FYN: variants seen among roughly 807,000 people sequenced by gnomAD.
FYN encodes FYN proto-oncogene, Src family tyrosine kinase.
Under a neutral mutation model 70.2 loss-of-function variants are expected in FYN, and 10 were observed. The observed-to-expected ratio is 0.14, with a 90% CI of 0.09 to 0.24. The LOEUF (loss-of-function observed/expected upper bound fraction) is 0.24, where lower values mean the gene tolerates loss of function less well. Ranked by LOEUF, FYN falls within the 10% of genes least tolerant of loss-of-function variation. The pLI is 1.00. For synonymous variants in FYN, 236 were observed against 248.6 expected, an observed-to-expected ratio of 0.95 and a Z score of 0.48; for missense variants, 319 against 673.1, an observed-to-expected ratio of 0.47 and a Z score of 5.82.
chr6:111,828,135 T>A (rs2114398006), intron 2 of FYN, among the ~76,000 whole-genome samples: 1 of 152,298 alleles, frequency 6.6e-6, no homozygotes, highest in East Asian at 1.9e-4. Flanking sequence ...GACCTTGTCC[T>A]TGGGCTGGAA....
intron 2 of FYN, among the ~76,000 whole-genome samples, chr6:111,832,488 G>C (rs1269714266): frequency 6.6e-6 from 1 of 152,112 alleles, no homozygotes; most frequent in Non-Finnish European, 1.5e-5. Context: ...CCTGTGAATA[G>C]AGACAGCTTT....
chr6:111,690,283 G>C (rs1799259159), intron 12 of FYN, among the ~76,000 whole-genome samples: 1 of 152,062 alleles, frequency 6.6e-6, no homozygotes, highest in Non-Finnish European at 1.5e-5. Context: ...TAGGGAGGTG[G>C]CTGTGACCAG....
At chr6:111,865,313 C>T (rs1345879728) in intron 1 of FYN, among the ~76,000 whole-genome samples, 2 of 152,140 alleles carry the variant, frequency 1.3e-5, no homozygotes, top group East Asian at 1.9e-4. Context: ...CACTTCCAGA[C>T]GGAGGTGCAC....
chr6:111,689,821 A>G lies in FYN; in HGVS notation c.1273+4554T>C, dbSNP rs145664553. On this transcript the variant is annotated intron_variant, in intron 12 of 13. Transcript: ENST00000354650. ...AGGGGTCTTCTGGAGTGCTGGAGGT[A>G]TTCTGTATCTTTATCTTCGGGGTGG... Among the ~76,000 whole-genome samples, 32 of 152,248 alleles carry G rather than the reference A, an allele frequency of 2.1e-4. 1 individual carries two copies. The highest frequency in any genetic ancestry group is 7.5e-4 in the African/African-American group (31 of 41,554).
At chr6:111,668,224 TGA>T (rs1215959528) in intron 13 of FYN, among the ~76,000 whole-genome samples, 1 of 152,208 alleles carries the variant, frequency 6.6e-6, no homozygotes, top group East Asian at 1.9e-4. Context: ...ACCGTGACAC[TGA>T]GTTAGGTTTT....
chr6:111,853,658 A>G (rs1202487579), intron 1 of FYN, among the ~76,000 whole-genome samples: 1 of 152,200 alleles, frequency 6.6e-6, no homozygotes, highest in African/African-American at 2.4e-5. Flanking sequence ...TCACTGTGTC[A>G]CCCAGGCTGG....
At chr6:111,787,049 T>A (rs1215367526) in intron 2 of FYN, among the ~76,000 whole-genome samples, 1 of 152,250 alleles carries the variant, frequency 6.6e-6, no homozygotes, top group Non-Finnish European at 1.5e-5. Context: ...TCTTTTGCTG[T>A]GCAGAAGCTC....
chr6:111,723,623 G>A (rs980353514), intron 3 of FYN, among the ~76,000 whole-genome samples: 1 of 152,198 alleles, frequency 6.6e-6, no homozygotes, highest in Non-Finnish European at 1.5e-5. Flanking sequence ...TCTCCCCCGT[G>A]GGGCAGTCAG....
intron 3 of FYN, among the ~76,000 whole-genome samples, chr6:111,721,413 C>G (rs1049854274): frequency 5.9e-5 from 9 of 152,186 alleles, no homozygotes; most frequent in Non-Finnish European, 1.0e-4. Context: ...CTCTTTTACC[C>G]TCTCTGTATT....
intron 7 of FYN, among the ~76,000 whole-genome samples, chr6:111,703,562 C>T (rs1799936759): frequency 6.6e-6 from 1 of 152,202 alleles, no homozygotes. Flanking sequence ...TGACCTGTCT[C>T]CTCTTGTGGG....
chr6:111,851,292 A>C (rs956290480), intron 1 of FYN, among the ~76,000 whole-genome samples: 5 of 152,218 alleles, frequency 3.3e-5, no homozygotes, highest in African/African-American at 1.2e-4. Context: ...GTAAATATTT[A>C]TTTTAGCTCA....
At chr6:111,809,430 C>T (rs1385328641) in intron 2 of FYN, among the ~76,000 whole-genome samples, 1 of 152,160 alleles carries the variant, frequency 6.6e-6, no homozygotes. Flanking sequence ...AGAATAAGCA[C>T]GAGTCTCTTG....
intron 3 of FYN, among the ~76,000 whole-genome samples, chr6:111,743,544 G>A (rs1284792648): frequency 6.6e-6 from 1 of 152,150 alleles, no homozygotes; most frequent in Non-Finnish European, 1.5e-5. Flanking sequence ...AAGGGCCCTC[G>A]GTGCCTCTTC....
intron 3 of FYN, among the ~76,000 whole-genome samples, chr6:111,761,608 A>G (rs1488815337): frequency 6.6e-6 from 1 of 152,166 alleles, no homozygotes; most frequent in East Asian, 1.9e-4. Flanking sequence ...AAGATTCTAG[A>G]GAGGTGGGCT....
chr6:111,676,064 T>G (rs954104366), intron 12 of FYN, among the ~76,000 whole-genome samples: 1 of 152,136 alleles, frequency 6.6e-6, no homozygotes, highest in African/African-American at 2.4e-5. Flanking sequence ...TCATAGAATC[T>G]TCTATAAAAA....
chr6:111,862,401 T>A (rs1562549465), intron 1 of FYN, among the ~76,000 whole-genome samples: 1 of 152,098 alleles, frequency 6.6e-6, no homozygotes, highest in Admixed American at 6.5e-5. Flanking sequence ...ACCCAAACTG[T>A]GTTGTGGGTC....
At chr6:111,673,037 C>A (rs533979667) in intron 13 of FYN, among the ~76,000 whole-genome samples, 1 of 152,282 alleles carries the variant, frequency 6.6e-6, no homozygotes, top group East Asian at 1.9e-4. Context: ...TTAACCTTTT[C>A]TCCCCAGTTG....
chr6:111,802,336 A>G (rs1772013410), intron 2 of FYN, among the ~76,000 whole-genome samples: 1 of 152,122 alleles, frequency 6.6e-6, no homozygotes, highest in African/African-American at 2.4e-5. Context: ...AGGCCTCCAC[A>G]GAAGCTGAGC....
chr6:111,785,296 C>T (rs1363610290), intron 2 of FYN, among the ~76,000 whole-genome samples: 2 of 152,202 alleles, frequency 1.3e-5, no homozygotes, highest in Admixed American at 6.5e-5. Flanking sequence ...GCTCCTCTGC[C>T]ACCCCCTACA....
Sources: gnomAD v4.1 joint callset for allele counts (sites outside exome capture counted in the v4.1 genomes callset) on GRCh38, gnomAD v4.1.1 for gene constraint, MANE v1.5 for transcripts, NCBI Gene and HGNC (gene_info 2026-07-23, HGNC 2026-07-21) for gene names.